JAZF1: variants seen among roughly 807,000 people sequenced by gnomAD.
JAZF1 encodes the protein juxtaposed with another zinc finger protein 1.
A neutral mutation model predicts 26.4 loss-of-function variants in JAZF1; 8 were observed. The observed-to-expected ratio is 0.30, with a 90% CI of 0.18 to 0.55. The LOEUF (loss-of-function observed/expected upper bound fraction) is 0.55. Among genes scored for constraint, JAZF1 ranks in the 20% least tolerant of loss-of-function variants. The pLI, the probability that JAZF1 is intolerant of heterozygous loss-of-function variation, is 0.94. For synonymous variants in JAZF1, 126 were observed against 122.3 expected (o/e 1.03, Z -0.20); for missense variants, 199 against 322.0 (o/e 0.62, Z 2.92).
chr7:27,840,618 A>C lies in JAZF1; in HGVS notation c.555+80T>G. On this transcript the variant is annotated intron_variant, in intron 4 of 4. Coordinates refer to ENST00000283928, the MANE Select transcript of JAZF1 (RefSeq NM_175061.4). This position sits in a 1 kb window ranked among gnomAD's most constrained non-coding sequence, Gnocchi z 5.1. ...CCCCCAGCCCATACGCTCGCTTTAA[A>C]ATCAAGAAAGGGCTGCTGCCTTCCA... 1.4e-6 allele frequency: 2 copies of C among 1,461,946 alleles called. No individual in the cohort carries two copies. The highest frequency in any genetic ancestry group is 2.3e-5 in the East Asian group (1 of 44,112). 90.6% of individuals were successfully genotyped at this position (1,461,946 alleles called of 1,614,324 possible).
chr7:27,845,929 G>A (rs1416728902), intron 3 of JAZF1, among the ~76,000 whole-genome samples: 2 of 151,826 alleles, frequency 1.3e-5, no homozygotes, highest in Non-Finnish European at 2.9e-5. Flanking sequence ...CTAAATCGCA[G>A]GATGCTTCAA....
At chr7:28,024,834 A>G (rs1031360506) in intron 1 of JAZF1, among the ~76,000 whole-genome samples, 2 of 152,216 alleles carry the variant, frequency 1.3e-5, no homozygotes, top group African/African-American at 4.8e-5. Context: ...TTTATAATCT[A>G]CCAGGGGCAA....
chr7:28,006,872 G>A lies in JAZF1; in HGVS notation c.116-14891C>T, dbSNP rs1458853154. The stretch of plus-strand genomic sequence containing the variant: ...CTTTCCTTTGTATTTTAACTTTTAA[G>A]GTGATTTTATTATATCTCTTCCATA... On this transcript the variant is annotated intron_variant, in intron 1 of 4. Transcript: ENST00000283928. Among the ~76,000 whole-genome samples the A allele has an allele frequency of 7.9e-5, 12 of 152,188 alleles. No individual in the cohort carries two copies. In the East Asian group the frequency reaches 2.1e-3, roughly 27 times the overall value.
intron 1 of JAZF1, among the ~76,000 whole-genome samples, chr7:28,156,580 A>G (rs1343226637): frequency 6.6e-6 from 1 of 152,228 alleles, no homozygotes. Flanking sequence ...TACATCTTCT[A>G]CAGCAGAGGT....
chr7:28,128,609 A>G (rs901613781), intron 1 of JAZF1, among the ~76,000 whole-genome samples: 4 of 152,242 alleles, frequency 2.6e-5, no homozygotes, highest in African/African-American at 9.6e-5. Context: ...CTGTGCATTA[A>G]TAAGCCCTCC....
At chr7:28,056,792 C>T (rs1783719962) in intron 1 of JAZF1, among the ~76,000 whole-genome samples, 1 of 152,106 alleles carries the variant, frequency 6.6e-6, no homozygotes. Flanking sequence ...AACCCTTTCC[C>T]AAGTCTGTAG....
intron 2 of JAZF1, among the ~76,000 whole-genome samples, chr7:27,989,078 T>G (rs1056950302): frequency 6.6e-6 from 1 of 152,104 alleles, no homozygotes; most frequent in Non-Finnish European, 1.5e-5. Context: ...ATGGTACTGG[T>G]ACCAAAACAG....
At chr7:27,898,209 A>T (rs1784102708) in intron 2 of JAZF1, among the ~76,000 whole-genome samples, 1 of 150,848 alleles carries the variant, frequency 6.6e-6, no homozygotes, top group African/African-American at 2.4e-5. Flanking sequence ...ATAAACCCAG[A>T]GGGTGCATAT....
chr7:27,979,502 T>C (rs1364994295), intron 2 of JAZF1, among the ~76,000 whole-genome samples: 2 of 147,744 alleles, frequency 1.4e-5, no homozygotes, highest in African/African-American at 5.0e-5. Flanking sequence ...AATCCTCTCA[T>C]CTCAGCCTCC....
intron 3 of JAZF1, among the ~76,000 whole-genome samples, chr7:27,859,518 A>C (rs940590667): frequency 1.3e-5 from 2 of 152,238 alleles, no homozygotes; most frequent in Non-Finnish European, 1.5e-5. Context: ...GCACATATAC[A>C]CCATGGAATA....
intron 2 of JAZF1, among the ~76,000 whole-genome samples, chr7:27,903,263 C>T (rs141521259): frequency 1.1e-3 from 168 of 152,246 alleles, no homozygotes; most frequent in African/African-American, 3.9e-3. Flanking sequence ...GGCTGGAATG[C>T]AGTAGCATGA....
At chr7:28,136,198 A>G (rs967252794) in intron 1 of JAZF1, among the ~76,000 whole-genome samples, 4 of 152,140 alleles carry the variant, frequency 2.6e-5, no homozygotes, top group African/African-American at 9.7e-5. Context: ...ATTATCTCAA[A>G]TAACTCTCAC....
At chr7:27,863,340 T>A (rs1255400706) in intron 3 of JAZF1, among the ~76,000 whole-genome samples, 3 of 152,170 alleles carry the variant, frequency 2.0e-5, no homozygotes, top group Non-Finnish European at 4.4e-5. Context: ...GCTGAGCCTG[T>A]CCCCGCCACA....
intron 1 of JAZF1, chr7:28,071,559 T>C (rs1783977228): frequency 2.1e-6 from 1 of 468,394 alleles, no homozygotes; most frequent in African/African-American, 2.0e-5. Context: ...GTATGTCCCA[T>C]AAAAGTATTT....
chr7:28,136,035 A>C (rs1190654326), intron 1 of JAZF1, among the ~76,000 whole-genome samples: 1 of 152,216 alleles, frequency 6.6e-6, no homozygotes, highest in African/African-American at 2.4e-5. Context: ...TTCAGGAAAT[A>C]ATTTCATTCT....
At chr7:27,847,607 C>T (rs928964587) in intron 3 of JAZF1, among the ~76,000 whole-genome samples, 2 of 152,210 alleles carry the variant, frequency 1.3e-5, no homozygotes, top group African/African-American at 2.4e-5. Flanking sequence ...GCTCTCTCTT[C>T]TGTTCCACTG....
intron 3 of JAZF1, among the ~76,000 whole-genome samples, chr7:27,875,984 C>G (rs781076898): frequency 1.3e-5 from 2 of 152,214 alleles, no homozygotes; most frequent in Non-Finnish European, 2.9e-5. Context: ...TGCTTTGCAG[C>G]AAGGCAGCCC....
chr7:27,837,226 A>G (rs1355916682), intron 4 of JAZF1, among the ~76,000 whole-genome samples: 1 of 152,274 alleles, frequency 6.6e-6, no homozygotes, highest in Non-Finnish European at 1.5e-5. Context: ...CATAAAAATT[A>G]TCAAAGGTTA....
chr7:27,938,741 G>A (rs1784796461), intron 2 of JAZF1, among the ~76,000 whole-genome samples: 1 of 151,806 alleles, frequency 6.6e-6, no homozygotes, highest in Non-Finnish European at 1.5e-5. Flanking sequence ...GCATGATTAT[G>A]GCTCACTGCA....
Sources: allele counts gnomAD v4.1 joint callset (sites outside exome capture counted in the v4.1 genomes callset), GRCh38; gene constraint gnomAD v4.1.1; non-coding constraint Gnocchi (gnomAD v3.1); transcripts MANE v1.5; gene names NCBI Gene and HGNC (gene_info 2026-07-23, HGNC 2026-07-21).